ATP8A2: variants seen among roughly 807,000 people sequenced by gnomAD.
ATP8A2 encodes ATPase phospholipid transporting 8A2, also known as phospholipid-transporting ATPase IB.
A neutral mutation model predicts 165.6 loss-of-function variants in ATP8A2; 100 were observed. The observed-to-expected ratio is 0.60, with a 90% CI of 0.51 to 0.71. The LOEUF (loss-of-function observed/expected upper bound fraction) is 0.71, where lower values mean the gene tolerates loss of function less well. ATP8A2 is among the 30% of genes least tolerant of loss of function. The pLI is 0.00. For synonymous variants in ATP8A2, 543 were observed against 548.8 expected, an observed-to-expected ratio of 0.99 and a Z score of 0.15; for missense variants, 1,227 against 1,479.5, an observed-to-expected ratio of 0.83 and a Z score of 2.80.
chr13:25,764,192 C>T (rs569188451), intron 25 of ATP8A2, among the ~76,000 whole-genome samples: 33 of 152,174 alleles, frequency 2.2e-4, no homozygotes, highest in African/African-American at 8.0e-4. Flanking sequence ...TGTGTCATTA[C>T]GAAAAACAAC....
chr13:25,783,578 T>C (rs1358167049), intron 27 of ATP8A2, among the ~76,000 whole-genome samples: 1 of 152,114 alleles, frequency 6.6e-6, no homozygotes, highest in African/African-American at 2.4e-5. Context: ...CAATGAGAAC[T>C]GTTAGAAGTG....
At chr13:25,406,005 C>G (rs2033789642) in intron 1 of ATP8A2, among the ~76,000 whole-genome samples, 2 of 152,168 alleles carry the variant, frequency 1.3e-5, no homozygotes, top group South Asian at 4.1e-4. Flanking sequence ...ATTTTGAGGA[C>G]TCACCTTCCA....
At chr13:25,936,376 G>C (rs1311728435) in intron 33 of ATP8A2, among the ~76,000 whole-genome samples, 1 of 152,256 alleles carries the variant, frequency 6.6e-6, no homozygotes, top group African/African-American at 2.4e-5. Context: ...GTCTGCGGAA[G>C]TCATTCATTG....
intron 1 of ATP8A2, among the ~76,000 whole-genome samples, chr13:25,422,419 G>GT (rs1445042362): frequency 1.3e-5 from 2 of 152,150 alleles, no homozygotes; most frequent in Non-Finnish European, 2.9e-5. Flanking sequence ...TTTTTAAAAG[G>GT]TCCCCATTAG....
chr13:25,688,121 GGCTGTTTTGTGCTGTTGTGTC>G (rs1444238288), intron 24 of ATP8A2, among the ~76,000 whole-genome samples: 3 of 63,628 alleles, frequency 4.7e-5, no homozygotes, highest in South Asian at 3.4e-4. Flanking sequence ...GCTGTTGTGT[GGCTGTTTTGTGCTGTTGTGTC>G]GCTGTTTCAT....
chr13:26,010,683 G>A (rs1391494344), intron 35 of ATP8A2, among the ~76,000 whole-genome samples: 4 of 152,198 alleles, frequency 2.6e-5, no homozygotes, highest in African/African-American at 9.6e-5. Context: ...CACTCCTCCT[G>A]TGTTTGCACA....
At chr13:25,539,565 G>A (rs909259662) in intron 7 of ATP8A2, among the ~76,000 whole-genome samples, 1 of 152,102 alleles carries the variant, frequency 6.6e-6, no homozygotes, top group African/African-American at 2.4e-5. Context: ...ACCCTGGATA[G>A]CCTTCTTTTG....
At chr13:25,764,865 T>C (rs974328074) in intron 25 of ATP8A2, among the ~76,000 whole-genome samples, 1 of 152,222 alleles carries the variant, frequency 6.6e-6, no homozygotes, top group Admixed American at 6.5e-5. Flanking sequence ...TGTACAAATC[T>C]ACAATCGAGA....
At chr13:25,929,497 A>G (rs190390179) in intron 33 of ATP8A2, among the ~76,000 whole-genome samples, 76 of 152,302 alleles carry the variant, frequency 5.0e-4, no homozygotes, top group African/African-American at 1.7e-3. Context: ...CCGAATTTTT[A>G]GTTACATACA....
intron 33 of ATP8A2, among the ~76,000 whole-genome samples, chr13:25,932,360 T>C (rs1487194012): frequency 1.3e-5 from 2 of 152,190 alleles, no homozygotes; most frequent in East Asian, 1.9e-4. Flanking sequence ...TTGTCGCAGC[T>C]TCCCGCAAGA....
chr13:25,681,510 A>G (rs556259220), intron 24 of ATP8A2, among the ~76,000 whole-genome samples: 203 of 152,252 alleles, frequency 1.3e-3, no homozygotes, highest in Middle Eastern at 0.01. Context: ...GGGTTAGGGC[A>G]TTGGTGCCTT....
intron 1 of ATP8A2, among the ~76,000 whole-genome samples, chr13:25,429,371 TAAAAAAAAAAAA>T (rs751056483): frequency 4.0e-5 from 5 of 126,004 alleles, no homozygotes; most frequent in African/African-American, 3.6e-5. Context: ...GACTCCATCT[TAAAAAAAAAAAA>T]AAAAAAAAAA....
intron 24 of ATP8A2, among the ~76,000 whole-genome samples, chr13:25,625,256 T>G (rs1444426212): frequency 1.3e-5 from 2 of 152,198 alleles, no homozygotes; most frequent in African/African-American, 4.8e-5. Flanking sequence ...ACCTTTTATT[T>G]TGTCAGATCC....
In ATP8A2 at chr13:25,880,191, C is replaced by T. The variant is rs187681525; in HGVS notation, c.3183+17783C>T. Among the ~76,000 whole-genome samples, 9 of 152,270 alleles carry T rather than the reference C, an allele frequency of 5.9e-5. No individual in the cohort carries two copies. In the East Asian group the frequency reaches 1.7e-3, roughly 29 times the overall value. ...TGACTACATGTAATCATACATAATTCGTCAGTGTCTAAAGCAATTTGAATA... is the reference window on the plus strand; with the variant it reads ...TGACTACATGTAATCATACATAATTTGTCAGTGTCTAAAGCAATTTGAATA... On this transcript the variant is annotated intron_variant, in intron 33 of 36. Transcript: ENST00000381655.
At chr13:25,481,951 G>C (rs2036218187) in intron 2 of ATP8A2, among the ~76,000 whole-genome samples, 2 of 152,064 alleles carry the variant, frequency 1.3e-5, no homozygotes, top group Non-Finnish European at 2.9e-5. Flanking sequence ...CATCACATTG[G>C]GGGTTAGGGC....
chr13:25,852,770 A>G (rs1485876848), intron 30 of ATP8A2, among the ~76,000 whole-genome samples: 2 of 152,074 alleles, frequency 1.3e-5, no homozygotes, highest in African/African-American at 4.8e-5. Flanking sequence ...TGAGGTCAGG[A>G]GTTCGCGGCC....
In ATP8A2 at chr13:25,372,835, G is replaced by T. The variant is rs1053385085; in HGVS notation, c.76+547G>T. Among the ~76,000 whole-genome samples the T allele has an allele frequency of 3.9e-5, 6 of 152,190 alleles. No individual in the cohort carries two copies. The highest frequency in any genetic ancestry group is 7.3e-5 in the Non-Finnish European group (5 of 68,040). On this transcript the variant is annotated intron_variant, in intron 1 of 36. Transcript: ENST00000381655. The surrounding 1 kb of genome is among the most constrained non-coding windows in gnomAD (Gnocchi z 4.8). The stretch of plus-strand genomic sequence containing the variant: ...GCGACGTACTGGCTCATAACCATCC[G>T]TGCATACAACCATCTGGAGACGAAC...
intron 16 of ATP8A2, chr13:25,567,478 G>A (rs2138157376): frequency 1.1e-5 from 5 of 441,850 alleles, no homozygotes; most frequent in South Asian, 6.6e-5. Flanking sequence ...AGTTTAGTGG[G>A]AAAGCCATTG....
chr13:25,390,850 G>C lies in ATP8A2; in HGVS notation c.76+18562G>C, dbSNP rs912970443. ...GGAGACAGGAGAATTGCTTGAACCCGGGAGGCAGAGGTTGCAGTGAGCCGA... is the reference window on the plus strand; with the variant it reads ...GGAGACAGGAGAATTGCTTGAACCCCGGAGGCAGAGGTTGCAGTGAGCCGA... On this transcript the variant is annotated intron_variant, in intron 1 of 36. Transcript: ENST00000381655. 2.6e-5 allele frequency among the ~76,000 whole-genome samples: 4 copies of C among 151,884 alleles called. 1 individual carries two copies. The highest frequency in any genetic ancestry group is 2.9e-5 in the Non-Finnish European group (2 of 67,932).
Sources: gnomAD v4.1 joint callset for allele counts (sites outside exome capture counted in the v4.1 genomes callset) on GRCh38, gnomAD v4.1.1 for gene constraint, Gnocchi (gnomAD v3.1) non-coding constraint, MANE v1.5 for transcripts, NCBI Gene and HGNC (gene_info 2026-07-23, HGNC 2026-07-21) for gene names.